Variants in ZNF233 observed in about 807,000 individuals in gnomAD.
ZNF233 encodes zinc finger protein 233.
ZNF233 carries 7 observed loss-of-function variants against 11.6 expected under a neutral mutation model. The observed-to-expected ratio is 0.60, with a 90% confidence interval of 0.34 to 1.13. The LOEUF is 1.13. Among genes scored for constraint, ZNF233 ranks in the 50% most tolerant of loss-of-function variants. The pLI, the probability that ZNF233 is intolerant of heterozygous loss-of-function variation, is 0.03. For missense variants in ZNF233, 711 were observed against 785.5 expected (o/e 0.91, Z 1.13); for synonymous variants, 226 against 268.5 (o/e 0.84, Z 1.55).
In ZNF233 at chr19:44,266,039, G is replaced by T. The variant is rs543785492; in HGVS notation, c.16-159G>T. ...TGTGGAAAAGTAGTCTATGAGATTGGCATGTGGGATGGAGAAAACGAGGAA... is the reference window on the plus strand; with the variant it reads ...TGTGGAAAAGTAGTCTATGAGATTGTCATGTGGGATGGAGAAAACGAGGAA... On this transcript the variant is annotated intron_variant, in intron 2 of 4. Coordinates refer to ENST00000683810, the MANE Select transcript of ZNF233 (RefSeq NM_001207005.2). The T allele has an allele frequency of 1.8e-5, 11 of 615,794 alleles. No individual in the cohort carries two copies. In the African/African-American group the frequency reaches 1.9e-4, roughly 11 times the overall value. The allele number at this position is 615,794 out of a possible 1,614,324, so 38.1% of individuals were successfully genotyped here. A position where few individuals can be genotyped will look rare whatever the true frequency, so the allele number is the denominator to read the frequency against.
At chr19:44,266,166 A>G (rs1319227991) in intron 2 of ZNF233, 32 bp from the exon 3 acceptor site, 1 of 1,583,674 alleles carries the variant, frequency 6.3e-7, no homozygotes, top group Admixed American at 1.7e-5. Flanking sequence ...TATTGGCCAT[A>G]AGATTGAGAT....
chr19:44,272,933 A>G lies in ZNF233; in HGVS notation c.273A>G (p.Gln91=), dbSNP rs1307934198. 1.2e-6 allele frequency: 2 copies of G among 1,601,866 alleles called. No individual in the cohort carries two copies. Among genetic ancestry groups the G allele is most frequent in the Non-Finnish European group, 1.7e-6 (2 of 1,176,582 alleles). The change falls in exon 5 of 5, where the codon CAA becomes CAG. Residue 91 remains glutamine, a synonymous_variant. Transcript: ENST00000683810. Reference sequence around the variant, plus strand: ...ATCAAAATGAGATAGATACCCTTCAAGAAGTAAGATTAAGATTCCTTTCAT... The same window carrying G: ...ATCAAAATGAGATAGATACCCTTCAGGAAGTAAGATTAAGATTCCTTTCAT... The part of the protein sequence containing the change: ...HKNQNEIDTL[Q]EVRLRFLSYE...
Position 44,274,901 on chromosome 19 carries a change from AG to A in ZNF233, c.*229del, listed in dbSNP as rs778203433. 7 of 483,664 alleles carry A rather than the reference AG, an allele frequency of 1.4e-5. No individual in the cohort carries two copies. Among genetic ancestry groups the A allele is most frequent in the Non-Finnish European group, 2.2e-5 (6 of 277,628 alleles). 30.0% of individuals were successfully genotyped at this position (483,664 alleles called of 1,614,324 possible). On this transcript the variant is annotated 3_prime_UTR_variant, in exon 5 of 5. Transcript: ENST00000683810. ...AGCCCAAAATGTCACAGTTGTCAAGAGAACACACAACAGAGAAACCCTATAA... is the reference window on the plus strand; with the variant it reads ...AGCCCAAAATGTCACAGTTGTCAAGAAACACACAACAGAGAAACCCTATAA...
At chr19:44,260,747 A>T (rs914170356) in intron 1 of ZNF233, among the ~76,000 whole-genome samples, 4 of 152,162 alleles carry the variant, frequency 2.6e-5, no homozygotes, top group African/African-American at 9.7e-5. Context: ...CCAACGTGAG[A>T]GGACTTAATA....
intron 1 of ZNF233, chr19:44,260,266 A>C (rs8100554): frequency 1.8e-5 from 3 of 166,032 alleles, no homozygotes; most frequent in Admixed American, 6.4e-5. Context: ...GTAGTACCTA[A>C]CTGGTAGGGG....
chr19:44,273,289 G>A lies in ZNF233; in HGVS notation c.629G>A (p.Cys210Tyr), dbSNP rs1403895123. 3 of 1,614,080 alleles carry A rather than the reference G, an allele frequency of 1.9e-6. No individual in the cohort carries two copies. In the East Asian group the frequency reaches 6.7e-5, roughly 36 times the overall value. ...GATGTAAAAAATAAGCTCTGTAAATGTGATCATTGTGTTAGGCAAAGAATT... is the reference window on the plus strand; with the variant it reads ...GATGTAAAAAATAAGCTCTGTAAATATGATCATTGTGTTAGGCAAAGAATT... ...QIDVKNKLCKCDHCVRQRIAH... is the reference protein window; with the variant it reads ...QIDVKNKLCKYDHCVRQRIAH... The change falls in exon 5 of 5, where the codon TGT (cysteine) becomes TAT (tyrosine). Residue 210 changes from cysteine to tyrosine, a missense_variant. Cys to Tyr is a radical substitution (Grantham distance 194). Coordinates refer to ENST00000683810, the MANE Select transcript of ZNF233 (RefSeq NM_001207005.2).
chr19:44,274,436 C>A lies in ZNF233; in HGVS notation c.1776C>A (p.Tyr592Ter). The change falls in exon 5 of 5, where the codon TAC becomes TAA. Residue 592 changes from tyrosine to a stop codon, truncating the protein, a stop_gained. Coordinates refer to ENST00000683810, the MANE Select transcript of ZNF233 (RefSeq NM_001207005.2). LOFTEE classifies it low-confidence loss of function (END_TRUNC). ...HQRVHTGEKPYKCEECRKGFI... is the reference protein window; with the variant it reads ...HQRVHTGEKP Reference sequence around the variant, plus strand: ...GAGTCCACACAGGAGAGAAACCATACAAATGTGAAGAATGTAGGAAAGGCT... The same window carrying A: ...GAGTCCACACAGGAGAGAAACCATAAAAATGTGAAGAATGTAGGAAAGGCT... 1 of 1,614,072 alleles carries A rather than the reference C, an allele frequency of 6.2e-7. No homozygotes were observed. Among genetic ancestry groups the A allele is most frequent in the Non-Finnish European group, 8.5e-7 (1 of 1,180,016 alleles).
Position 44,266,193 on chromosome 19 carries a change from T to G in ZNF233, c.16-5T>G. ...GATTGAGATTACATCTGCTTGATGT[T>G]GTAGGAGATGGTGACATTCAAGGAT... On this transcript the variant is annotated splice_region_variant and splice_polypyrimidine_tract_variant and intron_variant, in intron 2 of 4. Transcript: ENST00000683810. 1 of 1,606,684 alleles carries G rather than the reference T, an allele frequency of 6.2e-7. No individual in the cohort carries two copies. Among genetic ancestry groups the G allele is most frequent in the Non-Finnish European group, 8.5e-7 (1 of 1,176,156 alleles).
rs779403073 is a variant in ZNF233 at position 44,265,356 on chromosome 19, C to CAT, written c.16-832_16-831dup. On this transcript the variant is annotated intron_variant, in intron 2 of 4. Coordinates refer to ENST00000683810, the MANE Select transcript of ZNF233 (RefSeq NM_001207005.2). Reference sequence around the variant, plus strand: ...TTTTTATGGCTGAGTAGTATTCCATCATATATATATACACACACACACACA... The same window carrying CAT: ...TTTTTATGGCTGAGTAGTATTCCATCATATATATATATACACACACACACACA... Among the ~76,000 whole-genome samples the CAT allele has an allele frequency of 8.4e-3, 967 of 115,538 alleles. 9 individuals carry two copies. Among genetic ancestry groups the CAT allele is most frequent in the African/African-American group, 0.017 (592 of 34,330 alleles). 75.8% of individuals were successfully genotyped at this position (115,538 alleles called of 152,430 possible). A position where few individuals can be genotyped will look rare whatever the true frequency, so the allele number is the denominator to read the frequency against.
At chr19:44,265,604 T>C (rs1038620224) in intron 2 of ZNF233, among the ~76,000 whole-genome samples, 6 of 152,136 alleles carry the variant, frequency 3.9e-5, no homozygotes, top group African/African-American at 1.4e-4. Context: ...GTGTTTTTAG[T>C]AGAGACGGTG....
intron 1 of ZNF233, among the ~76,000 whole-genome samples, chr19:44,263,370 T>G (rs867078676): frequency 6.6e-6 from 1 of 152,230 alleles, no homozygotes; most frequent in Admixed American, 6.5e-5. Flanking sequence ...TTTGTCTCTA[T>G]GGTTTAGCCT....
Position 44,274,587 on chromosome 19 carries a change from A to G in ZNF233, c.1927A>G (p.Thr643Ala), listed in dbSNP as rs1975342185. ...TCTTCAAGCCCATCAGAGAGTCCATACTGGAGAGAAACCATACAAATGTTT... is the reference window on the plus strand; with the variant it reads ...TCTTCAAGCCCATCAGAGAGTCCATGCTGGAGAGAAACCATACAAATGTTT... ...SHLQAHQRVHTGEKPYKCFVC... is the reference protein window; with the variant it reads ...SHLQAHQRVHAGEKPYKCFVC... The change falls in exon 5 of 5, where the codon ACT becomes GCT. Residue 643 changes from threonine to alanine, a missense_variant. Coordinates refer to ENST00000683810, the MANE Select transcript of ZNF233 (RefSeq NM_001207005.2). 1 of 1,614,000 alleles carries G rather than the reference A, an allele frequency of 6.2e-7. No individual in the cohort carries two copies. Among genetic ancestry groups the G allele is most frequent in the Admixed American group, 1.7e-5 (1 of 59,994 alleles).
intron 4 of ZNF233, among the ~76,000 whole-genome samples, chr19:44,269,790 A>G (rs1975191657): frequency 6.6e-6 from 1 of 152,178 alleles, no homozygotes; most frequent in Non-Finnish European, 1.5e-5. Flanking sequence ...ACAAAAGGAT[A>G]TAACTATGTA....
intron 4 of ZNF233, chr19:44,267,345 AGGGTGCTT>A (rs1975118953): frequency 2.6e-6 from 1 of 390,156 alleles, no homozygotes; most frequent in Admixed American, 4.6e-5. Context: ...ATACATGCCA[AGGGTGCTT>A]TTTTTTTTTT....
intron 4 of ZNF233, chr19:44,267,930 A>G (rs935792961): frequency 3.9e-5 from 6 of 152,086 alleles, no homozygotes; most frequent in African/African-American, 1.5e-4. Context: ...TACCCTGTTT[A>G]AAATACCTAT....
At chr19:44,264,034 A>G (rs1975000686) in intron 1 of ZNF233, among the ~76,000 whole-genome samples, 2 of 152,200 alleles carry the variant, frequency 1.3e-5, no homozygotes, top group African/African-American at 4.8e-5. Flanking sequence ...GTGACCCCAG[A>G]ATCCACTTTT....
intron 3 of ZNF233, among the ~76,000 whole-genome samples, 170 bp from the exon 4 acceptor site, chr19:44,266,696 T>A (rs565013470): frequency 6.6e-6 from 1 of 152,352 alleles, no homozygotes; most frequent in East Asian, 1.9e-4. Context: ...TTCAGTGATT[T>A]ACATTTATGT....
At chr19:44,267,372 T>G (rs969286627) in intron 4 of ZNF233, 3 of 397,622 alleles carry the variant, frequency 7.5e-6, no homozygotes, top group Non-Finnish European at 1.3e-5. Context: ...TTTTTTTCTT[T>G]AAGACAGGTC....
intron 3 of ZNF233, 105 bp downstream of exon 3, chr19:44,266,429 A>G (rs1441981360): frequency 7.4e-7 from 1 of 1,350,254 alleles, no homozygotes; most frequent in Non-Finnish European, 9.7e-7. Flanking sequence ...GAACTTGGGG[A>G]TGTGAATTTT....
Sources: allele counts gnomAD v4.1 joint callset (sites outside exome capture counted in the v4.1 genomes callset), GRCh38; gene constraint gnomAD v4.1.1; transcripts MANE v1.5; gene names NCBI Gene and HGNC (gene_info 2026-07-23, HGNC 2026-07-21).